TAFA1: variants seen among roughly 807,000 people sequenced by gnomAD.
TAFA1 encodes TAFA chemokine like family member 1.
TAFA1 carries 4 observed loss-of-function variants against 18.5 expected under a neutral mutation model. That is an observed-to-expected ratio of 0.22 (90% CI 0.11 to 0.49). The LOEUF (loss-of-function observed/expected upper bound fraction) is 0.49, where lower values mean the gene tolerates loss of function less well. TAFA1 is among the 20% of genes least tolerant of loss of function. The pLI, the probability that TAFA1 is intolerant of heterozygous loss-of-function variation, is 0.98. For missense variants in TAFA1, 147 were observed against 169.0 expected (o/e 0.87, Z 0.72); for synonymous variants, 56 against 55.2 (o/e 1.01, Z -0.06).
At chr3:68,347,545 G>T (rs1033617515) in intron 2 of TAFA1, among the ~76,000 whole-genome samples, 3 of 152,094 alleles carry the variant, frequency 2.0e-5, no homozygotes, top group Non-Finnish European at 1.5e-5. Flanking sequence ...AGGTCATATG[G>T]TTTCTGTTGC....
At chr3:68,108,474 G>A (rs1575620324) in intron 2 of TAFA1, among the ~76,000 whole-genome samples, 1 of 151,506 alleles carries the variant, frequency 6.6e-6, no homozygotes, top group East Asian at 1.9e-4. Context: ...ATGTGTGTGT[G>A]TGTATAAAGT....
intron 2 of TAFA1, among the ~76,000 whole-genome samples, chr3:68,079,135 T>G (rs1308104924): frequency 2.6e-5 from 4 of 152,252 alleles, no homozygotes; most frequent in Non-Finnish European, 5.9e-5. Context: ...GTAGTTTGTA[T>G]TTCTGTGGGA....
At chr3:68,498,735 T>G (rs955978002) in intron 3 of TAFA1, among the ~76,000 whole-genome samples, 3 of 39,130 alleles carry the variant, frequency 7.7e-5, no homozygotes, top group African/African-American at 7.3e-5. Context: ...TTTTTTTTTT[T>G]TTTTTTTTTT....
chr3:68,225,329 C>T (rs531572231), intron 2 of TAFA1, among the ~76,000 whole-genome samples: 24 of 152,220 alleles, frequency 1.6e-4, no homozygotes, highest in African/African-American at 4.3e-4. Context: ...AATGTCTAAT[C>T]GGAACTTGTG....
chr3:68,428,802 C>T (rs2106830300), intron 3 of TAFA1, among the ~76,000 whole-genome samples: 1 of 152,030 alleles, frequency 6.6e-6, no homozygotes, highest in Non-Finnish European at 1.5e-5. Flanking sequence ...AAAGGAAGGT[C>T]ACATCCTTTA....
At chr3:68,308,083 T>A (rs2068452434) in intron 2 of TAFA1, among the ~76,000 whole-genome samples, 1 of 152,154 alleles carries the variant, frequency 6.6e-6, no homozygotes, top group African/African-American at 2.4e-5. Flanking sequence ...AAATTTTACT[T>A]CCTAATTTGA....
chr3:68,331,540 CT>C (rs2068870703), intron 2 of TAFA1, among the ~76,000 whole-genome samples: 1 of 152,140 alleles, frequency 6.6e-6, no homozygotes, highest in Admixed American at 6.5e-5. Context: ...GTTACTAGGA[CT>C]CTACCATTAC....
intron 2 of TAFA1, among the ~76,000 whole-genome samples, chr3:68,304,045 G>C (rs2068360982): frequency 6.6e-6 from 1 of 152,148 alleles, no homozygotes; most frequent in South Asian, 2.1e-4. Context: ...CAAAGAGTAA[G>C]GCAGAGCTAT....
intron 2 of TAFA1, among the ~76,000 whole-genome samples, chr3:68,155,302 C>A (rs964812427): frequency 6.6e-6 from 1 of 152,142 alleles, no homozygotes; most frequent in East Asian, 1.9e-4. Context: ...TTGCCAACCC[C>A]CAGAACTGTG....
chr3:68,023,140 A>T (rs775935941), intron 2 of TAFA1, among the ~76,000 whole-genome samples: 7 of 151,926 alleles, frequency 4.6e-5, no homozygotes, highest in Non-Finnish European at 1.0e-4. Context: ...CTCTGCCAGT[A>T]TCATTAGTTT....
At chr3:68,017,523 T>C (rs566343546) in intron 2 of TAFA1, among the ~76,000 whole-genome samples, 2 of 152,208 alleles carry the variant, frequency 1.3e-5, no homozygotes, top group African/African-American at 4.8e-5. Context: ...GGCATGCAAG[T>C]TGAGAGTCAT....
intron 3 of TAFA1, among the ~76,000 whole-genome samples, chr3:68,517,394 A>T (rs2072939440): frequency 6.6e-6 from 1 of 152,152 alleles, no homozygotes; most frequent in South Asian, 2.1e-4. Context: ...TTGTTTTAGA[A>T]GTCAGATGGA....
intron 2 of TAFA1, among the ~76,000 whole-genome samples, chr3:68,386,469 A>C (rs2106693428): frequency 6.6e-6 from 1 of 152,212 alleles, no homozygotes; most frequent in Non-Finnish European, 1.5e-5. Flanking sequence ...TGAAAAGTCC[A>C]CATTTGGGTC....
At chr3:68,043,563 A>G (rs1395416268) in intron 2 of TAFA1, among the ~76,000 whole-genome samples, 19 of 152,252 alleles carry the variant, frequency 1.2e-4, no homozygotes, top group Non-Finnish European at 1.5e-5. Flanking sequence ...TCCATTATTC[A>G]TAGAATTTTC....
intron 2 of TAFA1, among the ~76,000 whole-genome samples, chr3:68,100,143 T>TA: frequency 6.6e-6 from 1 of 151,904 alleles, no homozygotes; most frequent in African/African-American, 2.4e-5. Flanking sequence ...AATCCCTGAA[T>TA]ATAAAATAAA....
chr3:68,497,162 CT>C (rs1420802036), intron 3 of TAFA1, among the ~76,000 whole-genome samples: 1 of 152,154 alleles, frequency 6.6e-6, no homozygotes, highest in East Asian at 1.9e-4. Context: ...TTTCAGTACT[CT>C]ACCAGCTAAT....
At position 68,228,871 on chromosome 3, in the gene TAFA1, CTTAAGG is replaced by C. The variant is rs531367309; in HGVS notation, c.119-188403_119-188398del. 1.0e-3 allele frequency among the ~76,000 whole-genome samples: 153 copies of C among 152,260 alleles called. 1 individual carries two copies. Among genetic ancestry groups the C allele is most frequent in the African/African-American group, 3.3e-3 (138 of 41,546 alleles). ...CCTATATTGAGCCCTTGCTCAAATA[CTTAAGG>C]TTAAGTGAAGGCTGAAGGAAGAAAT... On this transcript the variant is annotated intron_variant, in intron 2 of 4. Transcript: ENST00000478136.
At chr3:68,516,062 G>A (rs542033872) in intron 3 of TAFA1, among the ~76,000 whole-genome samples, 1 of 152,336 alleles carries the variant, frequency 6.6e-6, no homozygotes, top group East Asian at 1.9e-4. Flanking sequence ...ACATGAGAGA[G>A]TACCTCTATG....
At chr3:68,059,270 G>GCACA (rs71902636) in intron 2 of TAFA1, among the ~76,000 whole-genome samples, 1 of 149,744 alleles carries the variant, frequency 6.7e-6, no homozygotes, top group African/African-American at 2.4e-5. Flanking sequence ...ACACACGCAT[G>GCACA]CACACACACA....
Sources: allele counts gnomAD v4.1 joint callset (sites outside exome capture counted in the v4.1 genomes callset), GRCh38; gene constraint gnomAD v4.1.1; transcripts MANE v1.5; gene names NCBI Gene and HGNC (gene_info 2026-07-23, HGNC 2026-07-21).